RASA3: variants seen among roughly 807,000 people sequenced by gnomAD.
The protein encoded by RASA3 is ras GTPase-activating protein 3.
In RASA3, 73 loss-of-function variants were observed where a neutral mutation model predicts 110.0. The ratio of observed to expected loss-of-function variants is 0.66; its 90% confidence interval spans 0.55 to 0.81. The LOEUF (loss-of-function observed/expected upper bound fraction) is 0.81. Ranked by LOEUF, RASA3 falls within the 30% of genes least tolerant of loss-of-function variation. The pLI is 0.00. For missense variants in RASA3, 976 were observed against 1,113.2 expected (o/e 0.88, Z 1.75); for synonymous variants, 500 against 451.4 (o/e 1.11, Z -1.37).
In RASA3 at chr13:114,115,218, C is replaced by T. The variant is rs74849965; in HGVS notation, c.55+17217G>A. On this transcript the variant is annotated intron_variant, in intron 1 of 23. Coordinates refer to ENST00000334062, the MANE Select transcript of RASA3 (RefSeq NM_007368.4). The surrounding 1 kb of genome is among the most constrained non-coding windows in gnomAD (Gnocchi z 5.0). ...CATCGGCAGCTTCCATTATGTCCAG[C>T]GGTAACATGTTTACGGTCCCTGTGC... Among the ~76,000 whole-genome samples, 2 of 152,316 alleles carry T rather than the reference C, an allele frequency of 1.3e-5. No homozygotes were observed. Among genetic ancestry groups the T allele is most frequent in the African/African-American group, 2.4e-5 (1 of 41,572 alleles).
intron 1 of RASA3, among the ~76,000 whole-genome samples, chr13:114,099,491 G>A (rs1400489539): frequency 1.3e-5 from 2 of 151,770 alleles, no homozygotes; most frequent in Non-Finnish European, 2.9e-5. Flanking sequence ...CAGGCCTCTG[G>A]TCAGCGCTTC....
At chr13:114,102,226 C>T (rs2080069261) in intron 1 of RASA3, among the ~76,000 whole-genome samples, 1 of 151,636 alleles carries the variant, frequency 6.6e-6, no homozygotes, top group Non-Finnish European at 1.5e-5. Context: ...GGGTGGTAGG[C>T]GGGCAGCAGG....
At chr13:114,049,724 G>A (rs1159060275) in intron 3 of RASA3, among the ~76,000 whole-genome samples, 2 of 152,242 alleles carry the variant, frequency 1.3e-5, no homozygotes, top group African/African-American at 4.8e-5. Context: ...TGAATAATCT[G>A]GATTCCATGC....
At chr13:113,992,379 C>T in intron 22 of RASA3, 106 bp downstream of exon 22, 4 of 845,650 alleles carry the variant, frequency 4.7e-6, no homozygotes, top group Non-Finnish European at 7.7e-6. Context: ...GCCCACACTA[C>T]ACCAGAGGCT....
At chr13:114,051,346 G>A (rs1270063788) in intron 3 of RASA3, among the ~76,000 whole-genome samples, 3 of 152,202 alleles carry the variant, frequency 2.0e-5, no homozygotes, top group East Asian at 1.9e-4. Context: ...CCAGCGTCAC[G>A]GCGGGAATTA....
rs1167302195 is a variant in RASA3, at chr13:114,014,358, G to A, written c.1405+851C>T. Among the ~76,000 whole-genome samples, 1 of 152,054 alleles carries A rather than the reference G, an allele frequency of 6.6e-6. No individual in the cohort carries two copies. Among genetic ancestry groups the A allele is most frequent in the Non-Finnish European group, 1.5e-5 (1 of 68,004 alleles). ...CCTCCCCCAGAACCCTGGGCCCCTCGGCCGGCGCTGTCTGACTGTCTGATG... is the reference window on the plus strand; with the variant it reads ...CCTCCCCCAGAACCCTGGGCCCCTCAGCCGGCGCTGTCTGACTGTCTGATG... On this transcript the variant is annotated intron_variant, in intron 14 of 23. Transcript: ENST00000334062. This position sits in a 1 kb window ranked among gnomAD's most constrained non-coding sequence, Gnocchi z 4.5.
rs758403876 is a variant in RASA3 at position 114,013,199 on chromosome 13, C to T, written c.1455G>A (p.Arg485=). ...GGGAGAGAATGGCGGGCGCAAAGAA[C>T]CTCAGGAAGATGAAGCTGCTCACTG... ...YTAVSSFIFL[R]FFAPAILSPN... Residue 485 remains arginine, a synonymous_variant, in exon 15 of 24, where the codon AGG becomes AGA. Transcript: ENST00000334062. The T allele has an allele frequency of 2.5e-6, 4 of 1,613,398 alleles. No homozygotes were observed. In the South Asian group the frequency reaches 4.4e-5, roughly 18 times the overall value.
intron 2 of RASA3, among the ~76,000 whole-genome samples, chr13:114,064,888 G>C (rs1053372810): frequency 6.6e-6 from 1 of 152,240 alleles, no homozygotes. Flanking sequence ...AGTGCGGCCT[G>C]AGAGGACCAG....
chr13:113,978,936 C>G lies in RASA3; in HGVS notation c.*411G>C, dbSNP rs570545112. 4.8e-6 allele frequency: 1 copy of G among 208,494 alleles called. No individual in the cohort carries two copies. The highest frequency in any genetic ancestry group is 8.9e-5 in the South Asian group (1 of 11,250). The allele number at this position is 208,494 out of a possible 1,614,324, so 12.9% of individuals were successfully genotyped here. ...CAGAGCCACAGAGCCCAGCGTCACACGCACCGTGCACGCAAGACAGACGTG... is the reference window on the plus strand; with the variant it reads ...CAGAGCCACAGAGCCCAGCGTCACAGGCACCGTGCACGCAAGACAGACGTG... On this transcript the variant is annotated 3_prime_UTR_variant, in exon 24 of 24. Coordinates refer to ENST00000334062, the MANE Select transcript of RASA3 (RefSeq NM_007368.4).
At chr13:114,118,296 C>A (rs1358349442) in intron 1 of RASA3, among the ~76,000 whole-genome samples, 1 of 152,132 alleles carries the variant, frequency 6.6e-6, no homozygotes, top group Non-Finnish European at 1.5e-5. Flanking sequence ...CCCACCCCCG[C>A]CTGTGTGACT....
At position 114,114,473 on chromosome 13, in the gene RASA3, A is replaced by G. The variant is rs1161337067; in HGVS notation, c.55+17962T>C. 6.6e-6 allele frequency among the ~76,000 whole-genome samples: 1 copy of G among 152,212 alleles called. No homozygotes were observed. ...AGCAAATGCTCCTTGCACATTTCCT[A>G]GCTCTGTCAGCCAAAGTGAGGTCTG... On this transcript the variant is annotated intron_variant, in intron 1 of 23. Transcript: ENST00000334062. The surrounding 1 kb of genome is among the most constrained non-coding windows in gnomAD (Gnocchi z 4.8).
At position 114,047,700 on chromosome 13, in the gene RASA3, G is replaced by A. The variant is rs142341708; in HGVS notation, c.277+4352C>T. 6.0e-3 allele frequency among the ~76,000 whole-genome samples: 913 copies of A among 152,344 alleles called. 3 individuals are homozygous for A. Among genetic ancestry groups the A allele is most frequent in the African/African-American group, 0.018 (731 of 41,576 alleles). Reference sequence around the variant, plus strand: ...CTGTGTCTGTATGATGGAAACCCACGGGCAGTGGAAGGGGGCGGCCTGGCT... The same window carrying A: ...CTGTGTCTGTATGATGGAAACCCACAGGCAGTGGAAGGGGGCGGCCTGGCT... On this transcript the variant is annotated intron_variant, in intron 3 of 23. Coordinates refer to ENST00000334062, the MANE Select transcript of RASA3 (RefSeq NM_007368.4).
intron 1 of RASA3, among the ~76,000 whole-genome samples, chr13:114,081,028 C>A (rs1417512060): frequency 2.9e-5 from 4 of 139,704 alleles, no homozygotes; most frequent in Non-Finnish European, 4.5e-5. Context: ...GAGTGCCCCA[C>A]GGCAGAGGGC....
chr13:114,095,363 C>T lies in RASA3; in HGVS notation c.56-21526G>A, dbSNP rs987335553. ...CTAACTCCAGAGAATTTTCATGACC[C>T]GAAAAAGAAACCCCATACCCATTCC... On this transcript the variant is annotated intron_variant, in intron 1 of 23. Coordinates refer to ENST00000334062, the MANE Select transcript of RASA3 (RefSeq NM_007368.4). 2.6e-5 allele frequency among the ~76,000 whole-genome samples: 4 copies of T among 152,052 alleles called. No individual in the cohort carries two copies. The East Asian group carries it at 5.8e-4, about 22-fold the overall frequency.
chr13:114,023,903 G>C (rs1034097285), intron 8 of RASA3, among the ~76,000 whole-genome samples: 10 of 152,182 alleles, frequency 6.6e-5, no homozygotes, highest in Non-Finnish European at 1.0e-4. Flanking sequence ...GGTCCTGCTC[G>C]GTCAGGGCCA....
intron 22 of RASA3, among the ~76,000 whole-genome samples, chr13:113,984,707 C>T (rs2053012535): frequency 9.7e-6 from 1 of 102,574 alleles, no homozygotes; most frequent in East Asian, 3.5e-4. Flanking sequence ...CCACCCATCA[C>T]TCACCCTGTC....
At chr13:114,126,166 T>C (rs866352934) in intron 1 of RASA3, among the ~76,000 whole-genome samples, 2 of 126,842 alleles carry the variant, frequency 1.6e-5, no homozygotes, top group Non-Finnish European at 3.4e-5. Flanking sequence ...TACCGGCACC[T>C]GCTGTCCAAC....
At chr13:114,009,597 G>T in intron 16 of RASA3, 133 bp from the exon 17 acceptor site, 1 of 656,202 alleles carries the variant, frequency 1.5e-6, no homozygotes. Flanking sequence ...GTGTTACCGG[G>T]CAAGTGAGAG....
At chr13:114,103,421 G>A (rs886466649) in intron 1 of RASA3, among the ~76,000 whole-genome samples, 7 of 152,046 alleles carry the variant, frequency 4.6e-5, no homozygotes, top group African/African-American at 1.2e-4. Context: ...AGGGAAGGTC[G>A]GGCGGCTCCC....
Sources: gnomAD v4.1 joint callset for allele counts (sites outside exome capture counted in the v4.1 genomes callset) on GRCh38, gnomAD v4.1.1 for gene constraint, Gnocchi (gnomAD v3.1) non-coding constraint, MANE v1.5 for transcripts, NCBI Gene and HGNC (gene_info 2026-07-23, HGNC 2026-07-21) for gene names.